Variants in DPP8 observed in about 807,000 individuals in gnomAD.
DPP8 encodes the protein dipeptidyl peptidase 8.
A neutral mutation model predicts 107.5 loss-of-function variants in DPP8; 31 were observed. The ratio of observed to expected loss-of-function variants is 0.29; its 90% CI spans 0.22 to 0.39. The LOEUF is 0.39. DPP8 is among the 10% of genes least tolerant of loss of function. The probability of loss-of-function intolerance (pLI) is 1.00; values close to 1 mark genes in which losing one functional copy is unlikely to be tolerated. For missense variants in DPP8, 842 were observed against 1,076.1 expected, an observed-to-expected ratio of 0.78 and a Z score of 3.04; for synonymous variants, 381 against 356.6, an observed-to-expected ratio of 1.07 and a Z score of -0.77.
At chr15:65,455,804 G>GAAT in intron 16 of DPP8, 1 of 1,290,214 alleles carries the variant, frequency 7.8e-7, no homozygotes, top group Non-Finnish European at 1.0e-6. Flanking sequence ...CAGCAGAAAG[G>GAAT]ACATGGGGCA....
chr15:65,478,063 C>A (rs938016342), intron 11 of DPP8, among the ~76,000 whole-genome samples: 1 of 152,066 alleles, frequency 6.6e-6, no homozygotes, highest in African/African-American at 2.4e-5. Context: ...GAAGGAAAAC[C>A]ACCACTTAAG....
intron 5 of DPP8, among the ~76,000 whole-genome samples, chr15:65,490,935 A>G (rs1429914067): frequency 6.6e-6 from 1 of 152,038 alleles, no homozygotes; most frequent in Non-Finnish European, 1.5e-5. Flanking sequence ...CGAGGAGGAC[A>G]GATCACAAGG....
chr15:65,515,658 G>A lies in DPP8; in HGVS notation c.-12+1828C>T, dbSNP rs148134824. 9.3e-6 allele frequency: 15 copies of A among 1,613,724 alleles called. No individual in the cohort carries two copies. The highest frequency in any genetic ancestry group is 1.3e-5 in the Non-Finnish European group (15 of 1,179,836). On this transcript the variant is annotated intron_variant, in intron 1 of 19. Coordinates refer to ENST00000300141, the MANE Select transcript of DPP8 (RefSeq NM_130434.5). The stretch of plus-strand genomic sequence containing the variant: ...TAAGTAGTTTCCCTGGTGCCTACCT[G>A]ATTTTATTTTCATCTGCTCAGATCT...
chr15:65,494,149 C>CTTTTTTTTTTTT (rs542314824), intron 5 of DPP8, among the ~76,000 whole-genome samples: 3 of 123,294 alleles, frequency 2.4e-5, no homozygotes, highest in African/African-American at 1.0e-4. Flanking sequence ...GTTCTATATC[C>CTTTTTTTTTTTT]TTTTTTTTTT....
chr15:65,473,576 G>A (rs2066112476), intron 12 of DPP8, among the ~76,000 whole-genome samples: 1 of 152,038 alleles, frequency 6.6e-6, no homozygotes. Context: ...GGCTGAAGTG[G>A]GAGGATCGTC....
At chr15:65,455,409 C>G (rs775254782) in intron 16 of DPP8, 1 of 181,942 alleles carries the variant, frequency 5.5e-6, no homozygotes, top group Non-Finnish European at 1.2e-5. Flanking sequence ...GCTGGGATTA[C>G]ACGCGTGAGC....
At chr15:65,449,064 G>C (rs895402058) in intron 19 of DPP8, among the ~76,000 whole-genome samples, 1 of 143,920 alleles carries the variant, frequency 6.9e-6, no homozygotes, top group African/African-American at 2.5e-5. Context: ...AAAAAAATTA[G>C]CTGGGCATAG....
chr15:65,450,586 T>C (rs2063905470), intron 19 of DPP8, among the ~76,000 whole-genome samples: 1 of 152,216 alleles, frequency 6.6e-6, no homozygotes, highest in African/African-American at 2.4e-5. Context: ...TTGCTGGTTT[T>C]TCCTCCAATG....
At chr15:65,484,550 A>G (rs899090713) in intron 8 of DPP8, among the ~76,000 whole-genome samples, 23 of 152,174 alleles carry the variant, frequency 1.5e-4, no homozygotes, top group African/African-American at 5.3e-4. Flanking sequence ...TGTTTTTAAA[A>G]AAGTCTAGAA....
At chr15:65,481,745 A>G in intron 8 of DPP8, 130 bp from the exon 9 acceptor site, 1 of 530,288 alleles carries the variant, frequency 1.9e-6, no homozygotes. Flanking sequence ...AAAGGAACAA[A>G]GGATATAGCA....
In DPP8 at chr15:65,498,025, G is replaced by A. The variant is rs891566839; in HGVS notation, c.554C>T (p.Pro185Leu). The change falls in exon 5 of 20, where the codon CCT (proline) becomes CTT (leucine). Residue 185 changes from proline (P) to leucine (L), a missense_variant. Transcript: ENST00000300141. Reference sequence around the variant, plus strand: ...AGTTTCCACTAGATTGGGCCTTAAAGGTTGTTGCTAGAAAAGTAAACAACA... The same window carrying A: ...AGTTTCCACTAGATTGGGCCTTAAAAGTTGTTGCTAGAAAAGTAAACAACA... ...DGGPQGFTQQ[P>L]LRPNLVETSC... is the part of the protein sequence containing the mutation. 14 of 1,588,456 alleles carry A rather than the reference G, an allele frequency of 8.8e-6. No individual in the cohort carries two copies. The highest frequency in any genetic ancestry group is 1.0e-5 in the Non-Finnish European group (12 of 1,165,072).
intron 8 of DPP8, among the ~76,000 whole-genome samples, chr15:65,481,967 A>AATATATAT (rs34958127): frequency 6.7e-6 from 1 of 148,906 alleles, no homozygotes; most frequent in Non-Finnish European, 1.5e-5. Context: ...TTCACCTAGA[A>AATATATAT]ATATATATAT....
chr15:65,456,465 C>T (rs1451649096), intron 15 of DPP8, 94 bp from the exon 16 acceptor site: 2 of 1,232,882 alleles, frequency 1.6e-6, no homozygotes, highest in Non-Finnish European at 2.2e-6. Flanking sequence ...CTTAATTTCA[C>T]TATTATTTTA....
chr15:65,476,095 G>A (rs1207639627), intron 11 of DPP8, among the ~76,000 whole-genome samples: 1 of 152,162 alleles, frequency 6.6e-6, no homozygotes, highest in Non-Finnish European at 1.5e-5. Context: ...GGCTCTCTCA[G>A]CGGCCTAAGG....
intron 3 of DPP8, among the ~76,000 whole-genome samples, chr15:65,507,009 T>C (rs995352011): frequency 2.6e-5 from 4 of 152,094 alleles, no homozygotes; most frequent in African/African-American, 7.2e-5. Context: ...GTACAAAGTT[T>C]ATGAAGGGAA....
rs2063355834 is a variant in DPP8 at position 65,443,129 on chromosome 15, A to G, written c.*3755T>C. 6.6e-6 allele frequency: 1 copy of G among 152,222 alleles called. No homozygotes were observed. Among genetic ancestry groups the G allele is most frequent in the African/African-American group, 2.4e-5 (1 of 41,462 alleles). 9.4% of individuals were successfully genotyped at this position (152,222 alleles called of 1,614,324 possible). A position where few individuals can be genotyped will look rare whatever the true frequency, so the allele number is the denominator to read the frequency against. Reference sequence around the variant, plus strand: ...TTAGCATTTACTTTGGAATGGAAAAATTAACCATTTTTATGTGGTTACCTT... The same window carrying G: ...TTAGCATTTACTTTGGAATGGAAAAGTTAACCATTTTTATGTGGTTACCTT... On this transcript the variant is annotated 3_prime_UTR_variant, in exon 20 of 20. Transcript: ENST00000300141.
chr15:65,509,215 A>G (rs2070448620), intron 2 of DPP8, among the ~76,000 whole-genome samples: 1 of 152,196 alleles, frequency 6.6e-6, no homozygotes. Flanking sequence ...TAGAATTCTT[A>G]AGACTGTGGT....
rs370050891 is a variant in DPP8 at position 65,485,016 on chromosome 15, TAA to T, written c.1017+81_1017+82del. The T allele has an allele frequency of 7.2e-5, 81 of 1,119,276 alleles. No homozygotes were observed. The African/African-American group carries it at 1.2e-3, about 16-fold the overall frequency. 69.3% of individuals were successfully genotyped at this position (1,119,276 alleles called of 1,614,324 possible). A position where few individuals can be genotyped will look rare whatever the true frequency, so the allele number is the denominator to read the frequency against. On this transcript the variant is annotated intron_variant, in intron 8 of 19. Transcript: ENST00000300141. ...TCAGCAAGTTCAGCAAGTCCAAAAA[TAA>T]AAAAGTGTATCAAAGAACCCTACTG... is the stretch of plus-strand genomic sequence containing the variant.
intron 3 of DPP8, among the ~76,000 whole-genome samples, chr15:65,506,527 T>C (rs1478175834): frequency 2.6e-5 from 4 of 151,668 alleles, no homozygotes; most frequent in African/African-American, 7.3e-5. Context: ...GGCAGGCAGA[T>C]TGCTTGAACC....
Sources: gnomAD v4.1 joint callset for allele counts (sites outside exome capture counted in the v4.1 genomes callset) on GRCh38, gnomAD v4.1.1 for gene constraint, MANE v1.5 for transcripts, NCBI Gene and HGNC (gene_info 2026-07-23, HGNC 2026-07-21) for gene names.